Variants in TSACC observed in about 807,000 individuals in gnomAD.
TSACC encodes the protein TSSK6 activating cochaperone, also known as TSSK6-activating co-chaperone protein.
Under a neutral mutation model 6.9 loss-of-function variants are expected in TSACC, and 3 were observed. The observed-to-expected ratio is 0.43, with a 90% CI of 0.20 to 1.12. TSACC has a LOEUF of 1.12. Ranked by LOEUF, TSACC falls within the 50% of genes most tolerant of loss-of-function variation. The pLI, the probability that TSACC is intolerant of heterozygous loss-of-function variation, is 0.28. For synonymous variants in TSACC, 54 were observed against 55.1 expected, an observed-to-expected ratio of 0.98 and a Z score of 0.09; for missense variants, 137 against 143.9, an observed-to-expected ratio of 0.95 and a Z score of 0.24.
At chr1:156,337,853 G>A (rs1398664722), upstream of TSACC, 2 of 494,674 alleles carry the variant, frequency 4.0e-6, no homozygotes, top group Non-Finnish European at 7.2e-6. Context: ...GGCTAGAAAG[G>A]GCGCAGGGGC....
chr1:156,344,533 G>T (rs764603464), intron 2 of TSACC, 47 bp from the exon 3 acceptor site: 2 of 1,600,594 alleles, frequency 1.2e-6, no homozygotes, highest in Non-Finnish European at 8.5e-7. Flanking sequence ...AATTAGAAAG[G>T]CTGTCCCTTG....
intron 2 of TSACC, among the ~76,000 whole-genome samples, chr1:156,340,957 G>A (rs1166024328): frequency 2.6e-5 from 4 of 152,022 alleles, no homozygotes; most frequent in Non-Finnish European, 5.9e-5. Context: ...AGCCACCCAA[G>A]TAGCTGGGAT....
chr1:156,345,826 C>T lies in TSACC; in HGVS notation c.164-942C>T, dbSNP rs575435349. On this transcript the variant is annotated intron_variant, in intron 3 of 3. Coordinates refer to ENST00000368254, the MANE Select transcript of TSACC (RefSeq NM_001304817.2). ...AGGTTGCAGTGAGCCAGGATTGTGC[C>T]GCTGCACTGCATCCTGGGAGACAGA... Among the ~76,000 whole-genome samples the T allele has an allele frequency of 4.0e-4, 60 of 150,294 alleles. 1 individual carries two copies. The highest frequency in any genetic ancestry group is 3.8e-3 in the South Asian group (18 of 4,754).
chr1:156,340,792 C>T (rs569501728), intron 2 of TSACC, among the ~76,000 whole-genome samples: 102 of 152,014 alleles, frequency 6.7e-4, no homozygotes, highest in African/African-American at 2.4e-3. Context: ...TGGCTCTTTT[C>T]ACAGAGTATA....
chr1:156,339,615 C>T lies in TSACC; in HGVS notation c.-124-19C>T. 2.1e-6 allele frequency: 2 copies of T among 971,462 alleles called. No individual in the cohort carries two copies. The highest frequency in any genetic ancestry group is 3.1e-6 in the Non-Finnish European group (2 of 653,342). 60.2% of individuals were successfully genotyped at this position (971,462 alleles called of 1,614,324 possible). ...CCTGTTTGGCCATGAAATAGAGTTT[C>T]CTACTTTTTCCTCTGCAGATTGGAA... On this transcript the variant is annotated intron_variant, in intron 1 of 3. Transcript: ENST00000368254.
chr1:156,342,947 C>G (rs1665976236), intron 2 of TSACC, among the ~76,000 whole-genome samples: 1 of 152,242 alleles, frequency 6.6e-6, no homozygotes, highest in African/African-American at 2.4e-5. Context: ...AGCTGTCTGA[C>G]TTTCCATCCA....
intron 3 of TSACC, 41 bp downstream of exon 3, chr1:156,344,749 G>A (rs1397266109): frequency 1.2e-6 from 2 of 1,602,614 alleles, no homozygotes; most frequent in South Asian, 2.2e-5. Context: ...CTCAACAGGG[G>A]GAAGGGTTGC....
intron 3 of TSACC, 125 bp downstream of exon 3, chr1:156,344,833 G>A (rs779027236): frequency 7.4e-5 from 89 of 1,195,398 alleles, no homozygotes; most frequent in Non-Finnish European, 8.6e-5. Flanking sequence ...AGATCTTTCC[G>A]TGATAGCTTG....
chr1:156,346,726 C>T lies in TSACC; in HGVS notation c.164-42C>T, dbSNP rs758468466. The T allele has an allele frequency of 3.1e-6, 5 of 1,591,210 alleles. No homozygotes were observed. The South Asian group carries it at 5.5e-5, about 18-fold the overall frequency. ...ACCTCAGTACAATTACCAAATCTCT[C>T]TCCTTTGTTCCCTTGCACCTCCGTT... On this transcript the variant is annotated intron_variant, in intron 3 of 3. Transcript: ENST00000368254.
chr1:156,340,613 C>T (rs956581775), intron 2 of TSACC, among the ~76,000 whole-genome samples: 3 of 151,996 alleles, frequency 2.0e-5, no homozygotes, highest in African/African-American at 7.2e-5. Flanking sequence ...AGGCGTGCAC[C>T]CCCACGCCCA....
intron 3 of TSACC, 63 bp downstream of exon 3, chr1:156,344,771 G>A: frequency 6.4e-7 from 1 of 1,574,106 alleles, no homozygotes; most frequent in Admixed American, 1.8e-5. Flanking sequence ...TGGAGGAGGT[G>A]GCTTGAGCTG....
intron 2 of TSACC, among the ~76,000 whole-genome samples, chr1:156,341,645 A>T (rs1558281903): frequency 6.6e-6 from 1 of 152,192 alleles, no homozygotes; most frequent in Non-Finnish European, 1.5e-5. Flanking sequence ...TCAGAAATAC[A>T]GCTCCTTTAG....
In TSACC at chr1:156,341,852, A is replaced by G. The variant is rs530288376; in HGVS notation, c.34+2061A>G. On this transcript the variant is annotated intron_variant, in intron 2 of 3. Transcript: ENST00000368254. The stretch of plus-strand genomic sequence containing the variant: ...GCTGAGGCAGGCAGATCACGAGGTC[A>G]GGAGATCGAGACCATCCTGACTAAC... Among the ~76,000 whole-genome samples the G allele has an allele frequency of 9.9e-5, 15 of 152,246 alleles. No individual in the cohort carries two copies. In the South Asian group the frequency reaches 1.2e-3, roughly 13 times the overall value.
intron 3 of TSACC, among the ~76,000 whole-genome samples, chr1:156,346,360 A>G (rs1666178490): frequency 6.6e-6 from 1 of 152,098 alleles, no homozygotes; most frequent in Non-Finnish European, 1.5e-5. Flanking sequence ...CTCCCAGACC[A>G]TTTCATTCAC....
intron 2 of TSACC, among the ~76,000 whole-genome samples, chr1:156,343,174 A>G (rs963743688): frequency 5.3e-5 from 8 of 152,040 alleles, no homozygotes; most frequent in African/African-American, 1.9e-4. Context: ...TTCTATTTGG[A>G]TTTCCTACTC....
At chr1:156,344,475 C>A in intron 2 of TSACC, 105 bp from the exon 3 acceptor site, 2 of 1,438,940 alleles carry the variant, frequency 1.4e-6, no homozygotes, top group South Asian at 2.7e-5. Context: ...GTAACATATT[C>A]ACGGCAGGGC....
At chr1:156,343,706 C>G (rs1666017403) in intron 2 of TSACC, among the ~76,000 whole-genome samples, 1 of 152,026 alleles carries the variant, frequency 6.6e-6, no homozygotes, top group South Asian at 2.1e-4. Flanking sequence ...TGTGGTCTCA[C>G]CAGTATAGCC....
chr1:156,339,902 A>G, intron 2 of TSACC, 111 bp downstream of exon 2: 1 of 1,076,074 alleles, frequency 9.3e-7, no homozygotes, highest in Non-Finnish European at 1.4e-6. Flanking sequence ...GGATCTGTTA[A>G]ATAGTAGATG....
upstream of TSACC, chr1:156,337,626 C>G (rs1220924526): frequency 6.0e-6 from 1 of 165,968 alleles, no homozygotes; most frequent in Non-Finnish European, 1.3e-5. Flanking sequence ...GTAAAGTGAC[C>G]AAGGATATTA....
Sources: allele counts gnomAD v4.1 joint callset (sites outside exome capture counted in the v4.1 genomes callset), GRCh38; gene constraint gnomAD v4.1.1; transcripts MANE v1.5; gene names NCBI Gene and HGNC (gene_info 2026-07-23, HGNC 2026-07-21).